The following COL1A1 variants were observed in gnomAD, a reference collection of about 807,000 sequenced individuals.
The protein encoded by COL1A1 is collagen type I alpha 1 chain.
A neutral mutation model predicts 195.7 loss-of-function variants in COL1A1; 21 were observed. That is an observed-to-expected ratio of 0.11 (90% CI 0.08 to 0.15). The LOEUF (loss-of-function observed/expected upper bound fraction) is 0.15. Ranked by LOEUF, COL1A1 falls within the 10% of genes least tolerant of loss-of-function variation. The pLI is 1.00. For missense variants in COL1A1, 1,365 were observed against 2,051.0 expected, an observed-to-expected ratio of 0.67 and a Z score of 6.46; for synonymous variants, 749 against 747.3, an observed-to-expected ratio of 1.00 and a Z score of -0.04.
In COL1A1 at chr17:50,188,542, A is replaced by T; in HGVS notation, c.3195T>A (p.Asp1065Glu). The T allele has an allele frequency of 6.2e-7, 1 of 1,613,950 alleles. No individual in the cohort carries two copies. Among genetic ancestry groups the T allele is most frequent in the Non-Finnish European group, 8.5e-7 (1 of 1,179,954 alleles). The change falls in exon 43 of 51, where the codon GAT (aspartate) becomes GAA (glutamate). Residue 1065 changes from aspartate to glutamate, a missense_variant. Asp to Glu is a conservative substitution (Grantham distance 45, BLOSUM62 2). Transcript: ENST00000225964. The surrounding 1 kb of genome is among the most constrained non-coding windows in gnomAD (Gnocchi z 5.6). The part of the protein sequence containing the change: ...GPVGPAGKSG[D>E]RGETGPAGPA... The stretch of plus-strand genomic sequence containing the variant: ...CCCAGCTACTTACAGTCTCACCACG[A>T]TCACCACTCTTGCCAGCAGGGCCAA...
rs767953699 is a variant in COL1A1, at chr17:50,190,430, C to T, written c.2398-50G>A. The stretch of plus-strand genomic sequence containing the variant: ...AGAGATGCGCTGACAGGAGGGAAGG[C>T]GGGGATGCGGTGAGGGGAGAGGCAA... On this transcript the variant is annotated intron_variant, in intron 34 of 50. Coordinates refer to ENST00000225964, the MANE Select transcript of COL1A1 (RefSeq NM_000088.4). This position sits in a 1 kb window ranked among gnomAD's most constrained non-coding sequence, Gnocchi z 4.7. The T allele has an allele frequency of 7.0e-6, 11 of 1,575,206 alleles. No homozygotes were observed. The highest frequency in any genetic ancestry group is 2.2e-5 in the East Asian group (1 of 44,590).
chr17:50,193,963 G>A lies in COL1A1; in HGVS notation c.1747C>T (p.Pro583Ser). 1 of 1,614,128 alleles carries A rather than the reference G, an allele frequency of 6.2e-7. No individual in the cohort carries two copies. The highest frequency in any genetic ancestry group is 1.1e-5 in the South Asian group (1 of 91,082). The change falls in exon 25 of 51, where the codon CCT (proline) becomes TCT (serine). Residue 583 changes from proline (P) to serine (S), a missense_variant. By Grantham distance (74) the Pro-to-Ser change is moderately conservative (BLOSUM62 -1). Coordinates refer to ENST00000225964, the MANE Select transcript of COL1A1 (RefSeq NM_000088.4). ...ARGQAGVMGF[P>S]GPKGAAGEPG... is the part of the protein sequence containing the mutation. The stretch of plus-strand genomic sequence containing the variant: ...CTCACAGCAGCACCTTTAGGTCCAG[G>A]GAATCCCATCACACCAGCCTGACCA...
Position 50,194,688 on chromosome 17 carries a change from G to A in COL1A1, c.1461+33C>T, listed in dbSNP as rs370263603. On this transcript the variant is annotated intron_variant, in intron 21 of 50. Coordinates refer to ENST00000225964, the MANE Select transcript of COL1A1 (RefSeq NM_000088.4). This position sits in a 1 kb window ranked among gnomAD's most constrained non-coding sequence, Gnocchi z 6.8. The stretch of plus-strand genomic sequence containing the variant: ...CACAGGCACCAGCCAGGCAATGAGG[G>A]TGGAGCGGGAGGGGGCGGGCAGGGA... 8 of 1,558,968 alleles carry A rather than the reference G, an allele frequency of 5.1e-6. No individual in the cohort carries two copies. The African/African-American group carries it at 8.2e-5, about 16-fold the overall frequency.
Position 50,199,897 on chromosome 17 carries a change from C to G in COL1A1, c.154G>C (p.Val52Leu). 1 of 1,614,226 alleles carries G rather than the reference C, an allele frequency of 6.2e-7. No individual in the cohort carries two copies. The highest frequency in any genetic ancestry group is 8.5e-7 in the Non-Finnish European group (1 of 1,180,044). The change falls in exon 2 of 51, where the codon GTG (valine) becomes CTG (leucine). Residue 52 changes from valine (V) to leucine (L), a missense_variant. Val to Leu is a conservative substitution (Grantham distance 32). This residue lies in a region of COL1A1 where 194 missense variants were observed against 221.7 expected (regional missense o/e 0.88). Coordinates refer to ENST00000225964, the MANE Select transcript of COL1A1 (RefSeq NM_000088.4). ...ATCCGGCAGGGCTCGGGTTTCCACA[C>G]GTCTCGGTCATGGTACCTGAGGCCG... ...QNGLRYHDRDVWKPEPCRICV... is the reference protein window; with the variant it reads ...QNGLRYHDRDLWKPEPCRICV...
In COL1A1 at chr17:50,196,606, C is replaced by T. The variant is rs1467987988; in HGVS notation, c.858+11G>A. Reference sequence around the variant, plus strand: ...GATGTGGAGGACCATGATGTTCAGACAGCCTCTTACCTTAGGACCAGCAGG... The same window carrying T: ...GATGTGGAGGACCATGATGTTCAGATAGCCTCTTACCTTAGGACCAGCAGG... On this transcript the variant is annotated intron_variant, in intron 12 of 50. Coordinates refer to ENST00000225964, the MANE Select transcript of COL1A1 (RefSeq NM_000088.4). 3 of 1,614,158 alleles carry T rather than the reference C, an allele frequency of 1.9e-6. No homozygotes were observed. The highest frequency in any genetic ancestry group is 2.5e-6 in the Non-Finnish European group (3 of 1,180,008).
In COL1A1 at chr17:50,185,365, A is replaced by G; in HGVS notation, c.*137T>C. 9.7e-7 allele frequency: 1 copy of G among 1,034,336 alleles called. No homozygotes were observed. Among genetic ancestry groups the G allele is most frequent in the Non-Finnish European group, 1.5e-6 (1 of 682,714 alleles). 64.1% of individuals were successfully genotyped at this position (1,034,336 alleles called of 1,614,324 possible). On this transcript the variant is annotated 3_prime_UTR_variant, in exon 51 of 51. Transcript: ENST00000225964. ...TTGAGAGATGAATGCAAAGGAAAAA[A>G]ATATTTTCCAAAGTCCATGTGAAAT...
At chr17:50,201,221 G>A (rs1185003210) in intron 1 of COL1A1, among the ~76,000 whole-genome samples, 190 bp downstream of exon 1, 1 of 152,152 alleles carries the variant, frequency 6.6e-6, no homozygotes, top group African/African-American at 2.4e-5. Context: ...CTCCCGGGGC[G>A]CGTTCAACCC....
At chr17:50,198,026 G>C in intron 7 of COL1A1, 24 bp from the exon 8 acceptor site, 1 of 1,613,658 alleles carries the variant, frequency 6.2e-7, no homozygotes, top group African/African-American at 1.3e-5. Context: ...AAAAAGATGG[G>C]TTAGAAGACA....
chr17:50,192,705 G>C lies in COL1A1; in HGVS notation c.1876-12C>G. The C allele has an allele frequency of 6.2e-7, 1 of 1,614,168 alleles. No individual in the cohort carries two copies. Among genetic ancestry groups the C allele is most frequent in the Non-Finnish European group, 8.5e-7 (1 of 1,180,010 alleles). The stretch of plus-strand genomic sequence containing the variant: ...TCGCCAGCGGGACCCTGCACAGAGA[G>C]AACACTACAGTCACGGGGAGGCCGA... On this transcript the variant is annotated splice_polypyrimidine_tract_variant and intron_variant, in intron 27 of 50. Coordinates refer to ENST00000225964, the MANE Select transcript of COL1A1 (RefSeq NM_000088.4).
Position 50,192,889 on chromosome 17 carries a change from GC to G in COL1A1, c.1822-40del, listed in dbSNP as rs1168809464. The stretch of plus-strand genomic sequence containing the variant: ...GCAAAGGGGAACTCAGGGTTAGGAG[GC>G]CCCGAGCAGCTGAGGACCGTGGCCT... On this transcript the variant is annotated intron_variant, in intron 26 of 50. Coordinates refer to ENST00000225964, the MANE Select transcript of COL1A1 (RefSeq NM_000088.4). 4.3e-6 allele frequency: 7 copies of G among 1,613,364 alleles called. No homozygotes were observed. In the Admixed American group the frequency reaches 1.0e-4, roughly 23 times the overall value.
intron 25 of COL1A1, 87 bp downstream of exon 25, chr17:50,193,856 G>C (rs767039656): frequency 6.0e-5 from 72 of 1,204,648 alleles, no homozygotes; most frequent in Non-Finnish European, 8.7e-5. Flanking sequence ...GCAGGTCAGC[G>C]GCACAGCTGA....
At chr17:50,191,724 C>T in intron 31 of COL1A1, 64 bp downstream of exon 31, 2 of 1,518,718 alleles carry the variant, frequency 1.3e-6, no homozygotes, top group Non-Finnish European at 1.8e-6. Context: ...CCATCCCCTG[C>T]TGCAGGAGGG....
intron 32 of COL1A1, 48 bp downstream of exon 32, chr17:50,191,335 G>A (rs775541942): frequency 2.0e-6 from 3 of 1,495,690 alleles, no homozygotes; most frequent in Non-Finnish European, 2.8e-6. Flanking sequence ...AAAGCAGGCA[G>A]AGATGGGAGC....
At chr17:50,192,951 G>A (rs1598294068) in intron 26 of COL1A1, 43 bp downstream of exon 26, 2 of 1,613,474 alleles carry the variant, frequency 1.2e-6, no homozygotes, top group Admixed American at 1.7e-5. Flanking sequence ...AAAGTGCCGG[G>A]GCAGCAATGG....
chr17:50,188,486 C>G lies in COL1A1; in HGVS notation c.3207+44G>C. On this transcript the variant is annotated intron_variant, in intron 43 of 50. Coordinates refer to ENST00000225964, the MANE Select transcript of COL1A1 (RefSeq NM_000088.4). This position sits in a 1 kb window ranked among gnomAD's most constrained non-coding sequence, Gnocchi z 5.6. ...AGGCCTCTAAGGAGGCCTGAAGAGT[C>G]CCTGGCCTGACCAGGTACAGGGAAC... is the stretch of plus-strand genomic sequence containing the variant. 6.3e-7 allele frequency: 1 copy of G among 1,583,102 alleles called. No homozygotes were observed. Among genetic ancestry groups the G allele is most frequent in the South Asian group, 1.1e-5 (1 of 90,436 alleles).
In COL1A1 at chr17:50,189,259, G is replaced by T; in HGVS notation, c.2846C>A (p.Pro949His). The change falls in exon 40 of 51, where the codon CCC becomes CAC. Residue 949 changes from proline to histidine, a missense_variant. This residue lies in a region of COL1A1 where 671 missense variants were observed against 1,099.9 expected (regional missense o/e 0.61). Transcript: ENST00000225964. This position sits in a 1 kb window ranked among gnomAD's most constrained non-coding sequence, Gnocchi z 5.5. ...CTGTCCAGCAATACCTTGAGGCCCG[G>T]GAGTACCAGGAGCACCCTTTGGGAG... is the stretch of plus-strand genomic sequence containing the variant. ...ADGPAGAPGTPGPQGIAGQRG... is the reference protein window; with the variant it reads ...ADGPAGAPGTHGPQGIAGQRG... The T allele has an allele frequency of 1.2e-6, 2 of 1,613,914 alleles. No individual in the cohort carries two copies. The highest frequency in any genetic ancestry group is 2.2e-5 in the South Asian group (2 of 91,076).
Position 50,197,001 on chromosome 17 carries a change from G to A in COL1A1, c.804+9C>T. On this transcript the variant is annotated intron_variant, in intron 11 of 50. Transcript: ENST00000225964. ...CTTGGGGAGCTTAAATGACTCAAAG[G>A]TGACTCACTCTGTGTCCCTTCATTC... 6.2e-7 allele frequency: 1 copy of A among 1,613,994 alleles called. No homozygotes were observed. The highest frequency in any genetic ancestry group is 2.2e-5 in the East Asian group (1 of 44,892).
chr17:50,192,603 C>A (rs1907191503), intron 28 of COL1A1, 37 bp downstream of exon 28: 1 of 1,614,150 alleles, frequency 6.2e-7, no homozygotes, highest in Middle Eastern at 1.6e-4. Context: ...GTTTCCTACC[C>A]CTACCTCCCA....
At chr17:50,197,641 A>G in intron 9 of COL1A1, 91 bp downstream of exon 9, 4 of 1,062,854 alleles carry the variant, frequency 3.8e-6, no homozygotes, top group Non-Finnish European at 5.6e-6. Context: ...TCCTCTGAGT[A>G]TCGTTCCCAA....
Sources: allele counts gnomAD v4.1 joint callset (sites outside exome capture counted in the v4.1 genomes callset), GRCh38; gene constraint gnomAD v4.1.1; regional missense constraint gnomAD v4.1.1; non-coding constraint Gnocchi (gnomAD v3.1); transcripts MANE v1.5; gene names NCBI Gene and HGNC (gene_info 2026-07-23, HGNC 2026-07-21).